Variants in ALK observed in about 807,000 individuals in gnomAD.
The protein encoded by ALK is ALK receptor tyrosine kinase, also known as ALK tyrosine kinase receptor.
ALK carries 74 observed loss-of-function variants against 163.1 expected under a neutral mutation model. That is an observed-to-expected ratio of 0.45 (90% confidence interval 0.38 to 0.55). The LOEUF (loss-of-function observed/expected upper bound fraction) is 0.55. Ranked by LOEUF, ALK falls within the 20% of genes least tolerant of loss-of-function variation. The pLI is 0.00. For synonymous variants in ALK, 960 were observed against 843.2 expected (o/e 1.14, Z -2.40); for missense variants, 2,063 against 2,105.3 (o/e 0.98, Z 0.39).
chr2:29,488,589 G>GA (rs1464101477), intron 4 of ALK, among the ~76,000 whole-genome samples: 1 of 152,110 alleles, frequency 6.6e-6, no homozygotes, highest in South Asian at 2.1e-4. Flanking sequence ...GAAGTTGGTT[G>GA]AAAAAAATCA....
At chr2:29,399,839 T>G (rs1669399706) in intron 4 of ALK, among the ~76,000 whole-genome samples, 1 of 152,212 alleles carries the variant, frequency 6.6e-6, no homozygotes, top group South Asian at 2.1e-4. Flanking sequence ...CATTGGTTCT[T>G]GTGGTACTGG....
chr2:29,718,365 G>A (rs896400881), intron 1 of ALK, among the ~76,000 whole-genome samples: 2 of 152,208 alleles, frequency 1.3e-5, no homozygotes, highest in Non-Finnish European at 2.9e-5. Flanking sequence ...TTTGTGTGGT[G>A]AAAAGTCATT....
At chr2:29,223,921 T>G (rs2148172258) in intron 19 of ALK, 2 of 368,266 alleles carry the variant, frequency 5.4e-6, no homozygotes, top group Non-Finnish European at 1.0e-5. Context: ...CAGACTGTGT[T>G]GCAAGTATAA....
At chr2:29,706,624 C>T (rs1678918134) in intron 2 of ALK, among the ~76,000 whole-genome samples, 1 of 152,202 alleles carries the variant, frequency 6.6e-6, no homozygotes, top group Non-Finnish European at 1.5e-5. Context: ...TGAACACAGC[C>T]TCAGAGGGCA....
intron 4 of ALK, among the ~76,000 whole-genome samples, chr2:29,388,271 C>T (rs1304897935): frequency 6.6e-6 from 1 of 152,180 alleles, no homozygotes; most frequent in East Asian, 1.9e-4. Flanking sequence ...AATGAAGGGA[C>T]ACTTTATGAC....
intron 3 of ALK, among the ~76,000 whole-genome samples, chr2:29,571,925 T>C (rs1209648800): frequency 1.3e-5 from 2 of 152,110 alleles, no homozygotes; most frequent in African/African-American, 2.4e-5. Flanking sequence ...GCAAGTACCT[T>C]TATAGCAGTG....
chr2:29,626,888 T>A (rs1676208626), intron 3 of ALK, among the ~76,000 whole-genome samples: 1 of 152,204 alleles, frequency 6.6e-6, no homozygotes, highest in African/African-American at 2.4e-5. Flanking sequence ...GCAGAGATAG[T>A]GCCTGGGGCT....
chr2:29,865,793 T>C (rs778450789), intron 1 of ALK, among the ~76,000 whole-genome samples: 2 of 152,190 alleles, frequency 1.3e-5, no homozygotes, highest in Non-Finnish European at 2.9e-5. Context: ...GCCTGACACA[T>C]AGTTAGCACT....
At chr2:29,437,054 G>A (rs1460201645) in intron 4 of ALK, among the ~76,000 whole-genome samples, 4 of 152,080 alleles carry the variant, frequency 2.6e-5, no homozygotes, top group African/African-American at 7.2e-5. Flanking sequence ...GTGTTTTCTC[G>A]GCCAACCATG....
intron 4 of ALK, among the ~76,000 whole-genome samples, chr2:29,395,967 C>T (rs1364325834): frequency 1.3e-5 from 2 of 152,174 alleles, no homozygotes; most frequent in African/African-American, 2.4e-5. Flanking sequence ...CCTCCCATGT[C>T]ATGGAAAACT....
At chr2:29,909,979 C>CAAAAAAA (rs563460919) in intron 1 of ALK, among the ~76,000 whole-genome samples, 2 of 81,728 alleles carry the variant, frequency 2.4e-5, no homozygotes, top group African/African-American at 7.5e-5. Flanking sequence ...TGCACCACAC[C>CAAAAAAA]AAAAAAAAAA....
intron 3 of ALK, among the ~76,000 whole-genome samples, chr2:29,690,782 T>C (rs906533295): frequency 6.6e-6 from 1 of 152,250 alleles, no homozygotes; most frequent in African/African-American, 2.4e-5. Flanking sequence ...TTGATTGGTA[T>C]CATCTTGCTG....
chr2:29,748,512 T>C (rs960749290), intron 1 of ALK, among the ~76,000 whole-genome samples: 2 of 152,046 alleles, frequency 1.3e-5, no homozygotes, highest in Non-Finnish European at 2.9e-5. Context: ...TCCCAGGTGA[T>C]GAACATGCCG....
At chr2:29,317,654 C>T (rs1360254995) in intron 8 of ALK, among the ~76,000 whole-genome samples, 1 of 152,204 alleles carries the variant, frequency 6.6e-6, no homozygotes, top group Non-Finnish European at 1.5e-5. Flanking sequence ...ATTAACTGCC[C>T]AAACAAACTA....
chr2:29,519,550 C>T (rs947992037), intron 4 of ALK, among the ~76,000 whole-genome samples: 15 of 152,200 alleles, frequency 9.9e-5, no homozygotes, highest in African/African-American at 3.1e-4. Flanking sequence ...TTTTCTGGCT[C>T]ACATCCCACA....
chr2:29,474,760 T>C (rs529552977), intron 4 of ALK, among the ~76,000 whole-genome samples: 20 of 152,268 alleles, frequency 1.3e-4, no homozygotes, highest in African/African-American at 4.3e-4. Context: ...TTTTATTCTG[T>C]TGGATTTGGG....
At chr2:29,696,530 T>TAAAAAAA (rs60320646) in intron 2 of ALK, among the ~76,000 whole-genome samples, 11 of 103,828 alleles carry the variant, frequency 1.1e-4, no homozygotes, top group Non-Finnish European at 1.4e-4. Flanking sequence ...CTTAAAGGAT[T>TAAAAAAA]AAAAAAAAAA....
At chr2:29,578,579 T>TCC (rs1674590226) in intron 3 of ALK, among the ~76,000 whole-genome samples, 1 of 152,130 alleles carries the variant, frequency 6.6e-6, no homozygotes, top group Non-Finnish European at 1.5e-5. Flanking sequence ...GTAGGGGGGC[T>TCC]CCCATGTGAA....
intron 3 of ALK, among the ~76,000 whole-genome samples, chr2:29,622,090 AC>A (rs1676052707): frequency 6.6e-6 from 1 of 152,178 alleles, no homozygotes. Context: ...TTTAGTGAAC[AC>A]CCATACCGCT....
Sources: allele counts gnomAD v4.1 joint callset (sites outside exome capture counted in the v4.1 genomes callset), GRCh38; gene constraint gnomAD v4.1.1; transcripts MANE v1.5; gene names NCBI Gene and HGNC (gene_info 2026-07-23, HGNC 2026-07-21).